The following MTCL1 variants were observed in gnomAD, a reference collection of about 807,000 sequenced individuals.
The protein encoded by MTCL1 is microtubule cross-linking factor 1.
MTCL1 carries 79 observed loss-of-function variants against 141.4 expected under a neutral mutation model. The observed-to-expected ratio is 0.56, with a 90% CI of 0.47 to 0.67. The LOEUF is 0.67. Ranked by LOEUF, MTCL1 falls within the 30% of genes least tolerant of loss-of-function variation. MTCL1 has a pLI of 0.00. For synonymous variants in MTCL1, 914 were observed against 875.8 expected (o/e 1.04, Z -0.77); for missense variants, 2,177 against 2,113.9 (o/e 1.03, Z -0.59).
At chr18:8,765,658 T>C (rs2096456448) in intron 4 of MTCL1, among the ~76,000 whole-genome samples, 1 of 152,224 alleles carries the variant, frequency 6.6e-6, no homozygotes, top group Non-Finnish European at 1.5e-5. Flanking sequence ...CCTCCCATGC[T>C]TCCTCCAAGG....
chr18:8,802,777 T>C (rs9807413), intron 10 of MTCL1, among the ~76,000 whole-genome samples: 7,892 of 152,260 alleles, frequency 0.052, 528 homozygotes, highest in African/African-American at 0.13. Flanking sequence ...TTTATCCTGC[T>C]GCTTTGCTAG....
chr18:8,742,325 G>C (rs774025687), intron 4 of MTCL1, among the ~76,000 whole-genome samples: 18 of 151,940 alleles, frequency 1.2e-4, no homozygotes, highest in Non-Finnish European at 1.5e-4. Context: ...CTCTGTATTA[G>C]TGCGTTCTCA....
At position 8,766,194 on chromosome 18, in the gene MTCL1, G is replaced by T. The variant is rs372887426; in HGVS notation, c.358-11639G>T. 5.3e-5 allele frequency among the ~76,000 whole-genome samples: 8 copies of T among 152,332 alleles called. No individual in the cohort carries two copies. In the East Asian group the frequency reaches 5.8e-4, roughly 11 times the overall value. On this transcript the variant is annotated intron_variant, in intron 4 of 16. Transcript: ENST00000359865. Reference sequence around the variant, plus strand: ...GCAGCGGATGCTGCACACAAGAAAGGCGTGGTTAATGAGCACTCCAGGCCT... The same window carrying T: ...GCAGCGGATGCTGCACACAAGAAAGTCGTGGTTAATGAGCACTCCAGGCCT...
chr18:8,768,789 CTTTTTTT>C (rs773958752), intron 4 of MTCL1, among the ~76,000 whole-genome samples: 11 of 117,894 alleles, frequency 9.3e-5, no homozygotes, highest in South Asian at 2.7e-4. Context: ...CTTTTCTTCT[CTTTTTTT>C]TTTTTTTTTT....
intron 4 of MTCL1, among the ~76,000 whole-genome samples, chr18:8,764,126 G>A (rs2149015620): frequency 6.6e-6 from 1 of 152,002 alleles, no homozygotes; most frequent in African/African-American, 2.4e-5. Context: ...AGAGAAGAAA[G>A]CCAAAATGAT....
chr18:8,805,591 T>C (rs1393947240), intron 10 of MTCL1, among the ~76,000 whole-genome samples: 5 of 152,100 alleles, frequency 3.3e-5, no homozygotes, highest in African/African-American at 1.2e-4. Context: ...AAGGCCAGTG[T>C]GTGTGTAGAA....
chr18:8,789,474 G>A (rs2075643198), intron 7 of MTCL1: 1 of 985,486 alleles, frequency 1.0e-6, no homozygotes, highest in East Asian at 1.1e-4. Flanking sequence ...ATCTTCTTAA[G>A]TGTGGGAAGT....
intron 5 of MTCL1, 77 bp downstream of exon 4, chr18:8,777,969 G>A: frequency 1.4e-6 from 2 of 1,382,150 alleles, no homozygotes; most frequent in Admixed American, 3.5e-5. Context: ...TTCAGTAAGT[G>A]TTAGCTTTGC....
In MTCL1 at chr18:8,753,593, A is replaced by G. The variant is rs1448230575; in HGVS notation, c.358-24240A>G. On this transcript the variant is annotated intron_variant, in intron 4 of 16. Transcript: ENST00000359865. Reference sequence around the variant, plus strand: ...ACTCCCTGGTCCTTTTTACCTGGTGACATCAGAGAGCCCCTGATGTGAGCT... The same window carrying G: ...ACTCCCTGGTCCTTTTTACCTGGTGGCATCAGAGAGCCCCTGATGTGAGCT... Among the ~76,000 whole-genome samples, 3 of 152,282 alleles carry G rather than the reference A, an allele frequency of 2.0e-5. No individual in the cohort carries two copies. The East Asian group carries it at 5.8e-4, about 29-fold the overall frequency.
Position 8,828,717 on chromosome 18 carries a change from C to G in MTCL1, c.4723-191C>G, listed in dbSNP as rs905608499. ...CTGTGTGCCTAGTGCCTGGCCACTT[C>G]CCCACACCTGCCTTGGAGTGAATGT... On this transcript the variant is annotated intron_variant, in intron 15 of 16. Coordinates refer to ENST00000359865, the Ensembl canonical transcript of MTCL1. The surrounding 1 kb of genome is among the most constrained non-coding windows in gnomAD (Gnocchi z 5.2). Among the ~76,000 whole-genome samples the G allele has an allele frequency of 6.6e-6, 1 of 152,222 alleles. No individual in the cohort carries two copies.
chr18:8,824,972 C>T (rs2076969115), exon 15 of MTCL1: 2 of 1,613,400 alleles, frequency 1.2e-6, no homozygotes, highest in Non-Finnish European at 1.7e-6. Flanking sequence ...CCGACTCCTC[C>T]TGGTACCTAA....
exon 1 of MTCL1, chr18:8,706,344 T>G: frequency 8.1e-7 from 1 of 1,230,190 alleles, no homozygotes; most frequent in Non-Finnish European, 1.0e-6. Context: ...GCCTGCTCCC[T>G]GCCGCCAGCA....
At chr18:8,787,815 T>C (rs2075571152) in intron 7 of MTCL1, among the ~76,000 whole-genome samples, 1 of 152,244 alleles carries the variant, frequency 6.6e-6, no homozygotes, top group Non-Finnish European at 1.5e-5. Context: ...TTATTTTATT[T>C]TTTAATAAGG....
chr18:8,718,529 A>G lies in MTCL1; in HGVS notation c.79A>G (p.Asn27Asp), dbSNP rs765120167. 133 of 1,614,116 alleles carry G rather than the reference A, an allele frequency of 8.2e-5. No homozygotes were observed. The highest frequency in any genetic ancestry group is 1.1e-4 in the Non-Finnish European group (129 of 1,180,048). ...ACTTCGGCGAGAACTGGACCGCGCT[A>G]ATAAAAACTGCCGAATCCTGCAGTA... The change falls in exon 3 of 17, where the codon AAT becomes GAT. Residue 27 changes from asparagine to aspartate, a missense_variant. Asn to Asp is a conservative substitution (Grantham distance 23). Transcript: ENST00000359865.
In MTCL1 at chr18:8,777,898, C is replaced by T; in HGVS notation, c.417+6C>T. Reference sequence around the variant, plus strand: ...AGAAGAAAACCTTTAACCAGGTAAGCAGAGGTTTTCATTCTAATGTTACAT... The same window carrying T: ...AGAAGAAAACCTTTAACCAGGTAAGTAGAGGTTTTCATTCTAATGTTACAT... On this transcript the variant is annotated splice_donor_region_variant and intron_variant, in intron 5 of 16. Transcript: ENST00000359865. 1 of 1,612,514 alleles carries T rather than the reference C, an allele frequency of 6.2e-7. No individual in the cohort carries two copies. The highest frequency in any genetic ancestry group is 8.5e-7 in the Non-Finnish European group (1 of 1,179,424).
intron 13 of MTCL1, among the ~76,000 whole-genome samples, chr18:8,820,699 C>T (rs914543015): frequency 6.6e-6 from 1 of 152,178 alleles, no homozygotes; most frequent in African/African-American, 2.4e-5. Context: ...GGTCAGGAGC[C>T]TGTGCGTGGG....
chr18:8,772,781 A>G lies in MTCL1; in HGVS notation c.358-5052A>G, dbSNP rs558174911. 1.2e-3 allele frequency among the ~76,000 whole-genome samples: 175 copies of G among 152,094 alleles called. 1 individual carries two copies. The highest frequency in any genetic ancestry group is 4.0e-3 in the African/African-American group (167 of 41,514). On this transcript the variant is annotated intron_variant, in intron 4 of 16. Transcript: ENST00000359865. ...TTATAGTGTATTATGAGCATTTCCT[A>G]TATCCTTAAATAGTCTTCAAAAGCA...
chr18:8,712,336 G>A (rs1220838451), intron 1 of MTCL1, among the ~76,000 whole-genome samples: 1 of 152,226 alleles, frequency 6.6e-6, no homozygotes, highest in African/African-American at 2.4e-5. Context: ...GCTGATCCAA[G>A]CTTACCATCC....
rs566946827 is a variant in MTCL1 at position 8,726,441 on chromosome 18, C to G, written c.357+5945C>G. 5.6e-4 allele frequency among the ~76,000 whole-genome samples: 85 copies of G among 150,524 alleles called. 1 individual carries two copies. In the South Asian group the frequency reaches 0.017, roughly 30 times the overall value. On this transcript the variant is annotated intron_variant, in intron 4 of 16. Transcript: ENST00000359865. ...TAGCTGCCTTCTTGCTGTGTTTTCA[C>G]ATGGCAGAGAGCATGAGGGTGAGAA...
Sources: gnomAD v4.1 joint callset for allele counts (sites outside exome capture counted in the v4.1 genomes callset) on GRCh38, gnomAD v4.1.1 for gene constraint, Gnocchi (gnomAD v3.1) non-coding constraint, MANE v1.5 for transcripts, NCBI Gene and HGNC (gene_info 2026-07-23, HGNC 2026-07-21) for gene names.